GFOD2: variants seen among roughly 807,000 people sequenced by gnomAD.
GFOD2 encodes Gfo/Idh/MocA-like oxidoreductase domain containing 2.
A neutral mutation model predicts 24.6 loss-of-function variants in GFOD2; 9 were observed. The ratio of observed to expected loss-of-function variants is 0.37; its 90% confidence interval spans 0.22 to 0.64. The LOEUF is 0.64. Among genes scored for constraint, GFOD2 ranks in the 30% least tolerant of loss-of-function variants. The pLI, the probability that GFOD2 is intolerant of heterozygous loss-of-function variation, is 0.65. For missense variants in GFOD2, 476 were observed against 532.5 expected (o/e 0.89, Z 1.04); for synonymous variants, 211 against 224.8 (o/e 0.94, Z 0.55).
chr16:67,714,454 G>T (rs1055462130), intron 1 of GFOD2, among the ~76,000 whole-genome samples: 5 of 147,700 alleles, frequency 3.4e-5, no homozygotes, highest in African/African-American at 1.0e-4. Flanking sequence ...CTCCAGCCTG[G>T]GAGATAGAAA....
At chr16:67,689,117 G>A (rs2053292356) in intron 1 of GFOD2, among the ~76,000 whole-genome samples, 1 of 150,898 alleles carries the variant, frequency 6.6e-6, no homozygotes, top group African/African-American at 2.4e-5. Flanking sequence ...TCAGCTTACT[G>A]CAACCTCCCC....
chr16:67,685,435 T>C lies in GFOD2; in HGVS notation c.259+22A>G, dbSNP rs533536211. 6.8e-6 allele frequency: 11 copies of C among 1,614,048 alleles called. 1 individual carries two copies. In the South Asian group the frequency reaches 1.1e-4, roughly 16 times the overall value. On this transcript the variant is annotated intron_variant, in intron 2 of 2. Coordinates refer to ENST00000268797, the MANE Select transcript of GFOD2 (RefSeq NM_030819.4). ...CAGAGGGAGAGACATGATCTGCCCC[T>C]GCTGTGGCCTGCCGGGCGTACCTAG...
intron 1 of GFOD2, among the ~76,000 whole-genome samples, chr16:67,714,072 C>T (rs1277591734): frequency 6.6e-6 from 1 of 152,062 alleles, no homozygotes; most frequent in Non-Finnish European, 1.5e-5. Context: ...GACAGAAGAC[C>T]AAATATGTAT....
At chr16:67,717,100 T>C (rs964853023) in intron 1 of GFOD2, among the ~76,000 whole-genome samples, 1 of 152,136 alleles carries the variant, frequency 6.6e-6, no homozygotes, top group African/African-American at 2.4e-5. Flanking sequence ...TTCATTATGT[T>C]GGTGAGGCTG....
intron 2 of GFOD2, chr16:67,681,868 G>A (rs2053227806): frequency 1.0e-6 from 1 of 985,184 alleles, no homozygotes; most frequent in Admixed American, 6.2e-5. Flanking sequence ...CTGCCAGGAA[G>A]TCAAGGGAGA....
At position 67,675,471 on chromosome 16, in the gene GFOD2, A is replaced by G; in HGVS notation, c.842T>C (p.Leu281Ser). The G allele has an allele frequency of 1.2e-6, 2 of 1,612,246 alleles. No homozygotes were observed. The highest frequency in any genetic ancestry group is 1.3e-5 in the African/African-American group (1 of 75,064). Reference sequence around the variant, plus strand: ...TGCGCCCACTGCCAGCGAGTCCCTCAAGAGCAGCTCCTCTTGCGTGGCAGA... The same window carrying G: ...TGCGCCCACTGCCAGCGAGTCCCTCGAGAGCAGCTCCTCTTGCGTGGCAGA... The part of the protein sequence containing the change: ...KNSATQEELL[L>S]RDSLAVGAGL... The change falls in exon 3 of 3, where the codon TTG becomes TCG. Residue 281 changes from leucine (L) to serine (S), a missense_variant. Leu to Ser is a moderately radical substitution (Grantham distance 145). Transcript: ENST00000268797.
intron 2 of GFOD2, chr16:67,683,223 G>A: frequency 9.5e-7 from 1 of 1,049,378 alleles, no homozygotes. Flanking sequence ...TGCTGGTGGA[G>A]CATACCAAGA....
At chr16:67,710,228 T>C (rs1042818513) in intron 1 of GFOD2, among the ~76,000 whole-genome samples, 3 of 152,040 alleles carry the variant, frequency 2.0e-5, no homozygotes, top group Admixed American at 6.6e-5. Flanking sequence ...TGGGCTCAAA[T>C]GATCCTCCTG....
chr16:67,700,693 C>T (rs1294870185), intron 1 of GFOD2, among the ~76,000 whole-genome samples: 1 of 151,716 alleles, frequency 6.6e-6, no homozygotes, highest in Non-Finnish European at 1.5e-5. Context: ...GCCTGGGTGA[C>T]AGAGCAAGAC....
chr16:67,713,603 A>G (rs1259518693), intron 1 of GFOD2, among the ~76,000 whole-genome samples: 1 of 152,222 alleles, frequency 6.6e-6, no homozygotes, highest in Non-Finnish European at 1.5e-5. Context: ...GAACTCTGGG[A>G]AACACTTACT....
At chr16:67,681,237 G>A (rs1460881689) in intron 2 of GFOD2, 1 of 985,348 alleles carries the variant, frequency 1.0e-6, no homozygotes. Flanking sequence ...CTGCTATAAT[G>A]CCTCGCTGCT....
rs116400956 is a variant in GFOD2 at position 67,675,533 on chromosome 16, G to A, written c.780C>T (p.Leu260=). Residue 260 remains leucine (L), a synonymous_variant, in exon 3 of 3, where the codon CTC becomes CTT. Transcript: ENST00000268797. ...EVMVVGSAGR[L]VARGADLYGQ... ...CATAGAGGTCGGCTCCCCGGGCGAC[G>A]AGGCGTCCTGCAGAGCCTACCACCA... The A allele has an allele frequency of 5.5e-4, 889 of 1,612,962 alleles. 5 individuals are homozygous for A. In the African/African-American group the frequency reaches 9.8e-3, roughly 18 times the overall value.
chr16:67,676,300 A>ATT (rs1330305418), intron 2 of GFOD2: 1 of 474,660 alleles, frequency 2.1e-6, no homozygotes. Flanking sequence ...GCTAATTTAA[A>ATT]ATTTTTTTTT....
At chr16:67,683,428 C>T (rs1313153383) in intron 2 of GFOD2, 3 of 1,229,622 alleles carry the variant, frequency 2.4e-6, no homozygotes, top group Admixed American at 8.5e-5. Context: ...AGTCAAGTGA[C>T]CAATAGCGGC....
chr16:67,706,775 TA>T (rs1191315933), intron 1 of GFOD2, among the ~76,000 whole-genome samples: 1 of 151,726 alleles, frequency 6.6e-6, no homozygotes, highest in Non-Finnish European at 1.5e-5. Context: ...TGGGAAAAAA[TA>T]TGAGCTGAAT....
chr16:67,710,070 C>T (rs556012515), intron 1 of GFOD2, among the ~76,000 whole-genome samples: 4 of 152,138 alleles, frequency 2.6e-5, no homozygotes, highest in African/African-American at 7.2e-5. Flanking sequence ...CTCAGCCTCC[C>T]GAGTACCTGG....
chr16:67,675,354 C>T lies in GFOD2; in HGVS notation c.959G>A (p.Gly320Glu). Residue 320 changes from glycine (G) to glutamate (E), a missense_variant, in exon 3 of 3, where the codon GGG becomes GAG. Physicochemically the swap from Gly to Glu is moderately conservative, Grantham distance 98. Coordinates refer to ENST00000268797, the MANE Select transcript of GFOD2 (RefSeq NM_030819.4). ...MVQALRQSFQ[G>E]QGDRRTWDRT... ...GTCCCAGGTGCGGCGGTCGCCCTGC[C>T]CCTGGAAGGACTGGCGCAAGGCCTG... 2 of 1,613,280 alleles carry T rather than the reference C, an allele frequency of 1.2e-6. No individual in the cohort carries two copies. The highest frequency in any genetic ancestry group is 1.7e-6 in the Non-Finnish European group (2 of 1,179,986).
At position 67,675,944 on chromosome 16, in the gene GFOD2, C is replaced by T. The variant is rs1168895428; in HGVS notation, c.369G>A (p.Val123=). The stretch of plus-strand genomic sequence containing the variant: ...GCACGAAGGCAGGCAGGAAGCGCAG[C>T]ACGTTCCCTACCAGGCTCATGAGCT... ...YPQLMSLVGN[V]LRFLPAFVRM... is the part of the protein sequence containing the mutation. Residue 123 remains valine (V), a synonymous_variant, in exon 3 of 3, where the codon GTG becomes GTA. Coordinates refer to ENST00000268797, the MANE Select transcript of GFOD2 (RefSeq NM_030819.4). 2 of 1,614,214 alleles carry T rather than the reference C, an allele frequency of 1.2e-6. No individual in the cohort carries two copies. The highest frequency in any genetic ancestry group is 2.2e-5 in the South Asian group (2 of 91,088).
intron 1 of GFOD2, among the ~76,000 whole-genome samples, chr16:67,715,834 A>G (rs1355998683): frequency 1.3e-5 from 2 of 148,324 alleles, no homozygotes; most frequent in African/African-American, 2.6e-5. Context: ...CCCCATCTCT[A>G]CAAAAAAAAA....
Sources: gnomAD v4.1 joint callset for allele counts (sites outside exome capture counted in the v4.1 genomes callset) on GRCh38, gnomAD v4.1.1 for gene constraint, MANE v1.5 for transcripts, NCBI Gene and HGNC (gene_info 2026-07-23, HGNC 2026-07-21) for gene names.